ATP13A3: variants seen among roughly 807,000 people sequenced by gnomAD.
ATP13A3 encodes polyamine-transporting ATPase 13A3.
Under a neutral mutation model 158.1 loss-of-function variants are expected in ATP13A3, and 59 were observed. The ratio of observed to expected loss-of-function variants is 0.37; its 90% CI spans 0.30 to 0.46. The LOEUF is 0.46. ATP13A3 is among the 20% of genes least tolerant of loss of function. The pLI is 1.00. For missense variants in ATP13A3, 1,166 were observed against 1,525.2 expected (o/e 0.76, Z 3.92); for synonymous variants, 491 against 504.3 (o/e 0.97, Z 0.35).
At chr3:194,410,319 A>AC (rs1715292479) in intron 33 of ATP13A3, among the ~76,000 whole-genome samples, 7 of 145,708 alleles carry the variant, frequency 4.8e-5, no homozygotes, top group Admixed American at 6.8e-5. Context: ...AAAAAAAAAA[A>AC]AAAAAAAAAA....
At chr3:194,487,089 G>A (rs1020939776), upstream of ATP13A3, 2 of 151,908 alleles carry the variant, frequency 1.3e-5, no homozygotes, top group African/African-American at 2.4e-5. Context: ...CGGGGAAGGG[G>A]CGGGGAGGGG....
At chr3:194,414,527 C>A (rs35740053) in intron 31 of ATP13A3, among the ~76,000 whole-genome samples, 48,475 of 150,340 alleles carry the variant, frequency 0.32, 9,578 homozygotes, top group African/African-American at 0.56. Context: ...ATAAAGACAA[C>A]TTCATAAAAA....
chr3:194,491,287 A>C (rs931004791), upstream of ATP13A3, among the ~76,000 whole-genome samples: 1 of 152,020 alleles, frequency 6.6e-6, no homozygotes, highest in Non-Finnish European at 1.5e-5. Flanking sequence ...TTCTTCCCCA[A>C]ATCAGCTCCT....
At chr3:194,431,566 C>T in intron 22 of ATP13A3, 151 bp downstream of exon 22, 2 of 806,528 alleles carry the variant, frequency 2.5e-6, no homozygotes, top group Non-Finnish European at 3.6e-6. Flanking sequence ...CTGTCCCAGT[C>T]CTAATGAAAC....
chr3:194,463,677 C>T (rs1258852647), intron 2 of ATP13A3, among the ~76,000 whole-genome samples: 1 of 152,170 alleles, frequency 6.6e-6, no homozygotes, highest in Non-Finnish European at 1.5e-5. Context: ...TTGACACACG[C>T]TAGGCACTCA....
At position 194,494,296 on chromosome 3, in the gene ATP13A3, A is replaced by G. The variant is rs1721180463; in HGVS notation, n.516-16T>C. The G allele has an allele frequency of 1.0e-5, 4 of 398,608 alleles. No homozygotes were observed. Among genetic ancestry groups the G allele is most frequent in the Non-Finnish European group, 1.3e-5 (3 of 226,058 alleles). The allele number at this position is 398,608 out of a possible 1,614,324, so 24.7% of individuals were successfully genotyped here. On this transcript the variant is annotated splice_polypyrimidine_tract_variant and intron_variant and non_coding_transcript_variant, in intron 1 of 32. Coordinates refer to the ATP13A3 transcript ENST00000687055. The surrounding 1 kb of genome is among the most constrained non-coding windows in gnomAD (Gnocchi z 4.2). ...AGAAAGTATGCTGAGTAAGTGGAGA[A>G]CAAGTTAACATTGATTTTCACAACC...
intron 15 of ATP13A3, among the ~76,000 whole-genome samples, chr3:194,443,394 G>T (rs1235565737): frequency 6.6e-6 from 1 of 152,092 alleles, no homozygotes. Flanking sequence ...ATGAGAATGT[G>T]AAAATGTGTA....
intron 2 of ATP13A3, among the ~76,000 whole-genome samples, chr3:194,472,281 C>A (rs1720341117): frequency 6.7e-6 from 1 of 149,146 alleles, no homozygotes; most frequent in African/African-American, 2.6e-5. Flanking sequence ...AAAAAAAAAA[C>A]ACAGTCAACC....
upstream of ATP13A3, chr3:194,487,757 G>A (rs1409306667): frequency 1.3e-5 from 2 of 152,290 alleles, no homozygotes; most frequent in Non-Finnish European, 2.9e-5. Context: ...GCCACCTGCA[G>A]CCTCTGGCTG....
At position 194,433,900 on chromosome 3, in the gene ATP13A3, C is replaced by A; in HGVS notation, c.2121-4G>T. 2 of 1,612,578 alleles carry A rather than the reference C, an allele frequency of 1.2e-6. No homozygotes were observed. Among genetic ancestry groups the A allele is most frequent in the Non-Finnish European group, 1.7e-6 (2 of 1,179,268 alleles). ...CATGTTGTTCTCAATTGCATCTCTG[C>A]AGAAAAAGAAGTTTTAACACATAAT... On this transcript the variant is annotated splice_region_variant and splice_polypyrimidine_tract_variant and intron_variant, in intron 20 of 33. Transcript: ENST00000645319.
intron 17 of ATP13A3, among the ~76,000 whole-genome samples, chr3:194,438,503 G>C (rs1262909144): frequency 6.6e-6 from 1 of 152,322 alleles, no homozygotes; most frequent in East Asian, 1.9e-4. Context: ...GGAAAGAAAA[G>C]TGATAGTACT....
At chr3:194,425,574 C>A (rs754967009) in intron 29 of ATP13A3, 45 bp from the exon 30 acceptor site, 12 of 1,491,802 alleles carry the variant, frequency 8.0e-6, no homozygotes, top group Non-Finnish European at 1.1e-5. Flanking sequence ...ACATAATACT[C>A]ATTTCCCAAA....
rs187176366 is a variant in ATP13A3 at position 194,429,848 on chromosome 3, T to C, written c.2778-74A>G. 378 of 1,327,420 alleles carry C rather than the reference T, an allele frequency of 2.8e-4. 2 individuals are homozygous for C. In the Middle Eastern group the frequency reaches 6.6e-3, roughly 23 times the overall value. 82.2% of individuals were successfully genotyped at this position (1,327,420 alleles called of 1,614,324 possible). A position where few individuals can be genotyped will look rare whatever the true frequency, so the allele number is the denominator to read the frequency against. On this transcript the variant is annotated intron_variant, in intron 26 of 33. Transcript: ENST00000645319. ...TCCTTTTCCAAACCACAATTTTATC[T>C]TGACAGATGAACATCAACATTCAAC...
chr3:194,437,380 C>T lies in ATP13A3; in HGVS notation c.1930G>A (p.Asp644Asn). 3 of 1,614,138 alleles carry T rather than the reference C, an allele frequency of 1.9e-6. No individual in the cohort carries two copies. Among genetic ancestry groups the T allele is most frequent in the Non-Finnish European group, 8.5e-7 (1 of 1,180,020 alleles). The change falls in exon 19 of 34, where the codon GAT becomes AAT. Residue 644 changes from aspartate (D) to asparagine (N), a missense_variant. This residue lies in a region of ATP13A3 where 997 missense variants were observed against 1,341.2 expected (regional missense o/e 0.74). Transcript: ENST00000645319. ...TTCATGTAGGCGTCCATTTTCCTAT[C>T]CCCCAGCACCCTGGCAACCACACTC... Reference protein sequence around the residue: ...RMSVVARVLGDRKMDAYMKGA... With the variant: ...RMSVVARVLGNRKMDAYMKGA...
chr3:194,438,798 TTAAAAA>T (rs1315337489), intron 17 of ATP13A3, 52 bp downstream of exon 17: 7 of 1,195,752 alleles, frequency 5.9e-6, no homozygotes, highest in African/African-American at 1.6e-5. Flanking sequence ...TTGAAAAAAA[TTAAAAA>T]TAAATATAAG....
At chr3:194,423,866 A>AT (rs1716566198) in intron 30 of ATP13A3, among the ~76,000 whole-genome samples, 1 of 152,060 alleles carries the variant, frequency 6.6e-6, no homozygotes, top group African/African-American at 2.4e-5. Flanking sequence ...TGGATAGGGT[A>AT]GATCTCTAAA....
At chr3:194,414,411 C>A (rs551088492) in intron 31 of ATP13A3, among the ~76,000 whole-genome samples, 2 of 150,168 alleles carry the variant, frequency 1.3e-5, no homozygotes, top group Admixed American at 6.6e-5. Context: ...TGCAGTGAGC[C>A]GAGATCCTGC....
chr3:194,403,917 T>TGGGGG lies in ATP13A3; in HGVS notation c.*1997_*2001dup, dbSNP rs3836225. ...TTACTAACTCTAAATGTTAAAAAAG[T>TGGGGG]GGGGGGGGGGTGTCAAAAATAGCTC... is the stretch of plus-strand genomic sequence containing the variant. On this transcript the variant is annotated 3_prime_UTR_variant, in exon 34 of 34. Coordinates refer to ENST00000645319, the MANE Select transcript of ATP13A3 (RefSeq NM_001367549.1). 5 of 275,646 alleles carry TGGGGG rather than the reference T, an allele frequency of 1.8e-5. No individual in the cohort carries two copies. The highest frequency in any genetic ancestry group is 3.0e-5 in the South Asian group (1 of 33,220). The allele number at this position is 275,646 out of a possible 1,614,324, so 17.1% of individuals were successfully genotyped here. A position where few individuals can be genotyped will look rare whatever the true frequency, so the allele number is the denominator to read the frequency against.
intron 28 of ATP13A3, 80 bp downstream of exon 28, chr3:194,428,765 G>A (rs1577044936): frequency 1.1e-6 from 1 of 949,714 alleles, no homozygotes; most frequent in Non-Finnish European, 1.6e-6. Flanking sequence ...TACAATTGTT[G>A]ATGTAAATTT....
Sources: gnomAD v4.1 joint callset for allele counts (sites outside exome capture counted in the v4.1 genomes callset) on GRCh38, gnomAD v4.1.1 for gene constraint, gnomAD v4.1.1 regional missense constraint, Gnocchi (gnomAD v3.1) non-coding constraint, MANE v1.5 for transcripts, NCBI Gene and HGNC (gene_info 2026-07-23, HGNC 2026-07-21) for gene names.